Variants in HLA-DPA1 observed in about 807,000 individuals in gnomAD.
HLA-DPA1 encodes the protein HLA class II histocompatibility antigen, DP alpha 1 chain.
HLA-DPA1 carries 20 observed loss-of-function variants against 21.5 expected under a neutral mutation model. The ratio of observed to expected loss-of-function variants is 0.93; its 90% CI spans 0.66 to 1.35. The LOEUF is 1.35. HLA-DPA1 is among the 40% of genes most tolerant of loss of function. The pLI, the probability that HLA-DPA1 is intolerant of heterozygous loss-of-function variation, is 0.00. For missense variants in HLA-DPA1, 279 were observed against 323.0 expected, an observed-to-expected ratio of 0.86 and a Z score of 1.05; for synonymous variants, 123 against 129.6, an observed-to-expected ratio of 0.95 and a Z score of 0.35.
At chr6:33,072,284 C>T (rs1762316853) in intron 2 of HLA-DPA1, among the ~76,000 whole-genome samples, 1 of 152,206 alleles carries the variant, frequency 6.6e-6, no homozygotes, top group Non-Finnish European at 1.5e-5. Flanking sequence ...AGAAGCTTAG[C>T]TCCACGTGTG....
chr6:33,076,686 C>A (rs1762557168), intron 1 of HLA-DPA1, among the ~76,000 whole-genome samples: 1 of 152,140 alleles, frequency 6.6e-6, no homozygotes, highest in Non-Finnish European at 1.5e-5. Flanking sequence ...ATTAAAGGTA[C>A]TTCTCCCAGC....
chr6:33,067,101 T>C (rs1318477185), intron 5 of HLA-DPA1: 5 of 152,176 alleles, frequency 3.3e-5, no homozygotes, highest in African/African-American at 1.2e-4. Flanking sequence ...CCCACATGTA[T>C]ATGCAGTTCC....
chr6:33,072,389 A>T (rs745405063), intron 2 of HLA-DPA1, among the ~76,000 whole-genome samples: 1 of 150,868 alleles, frequency 6.6e-6, no homozygotes, highest in Non-Finnish European at 1.5e-5. Context: ...AAGGTAAATG[A>T]CATGTTTAAA....
intron 1 of HLA-DPA1, among the ~76,000 whole-genome samples, chr6:33,078,111 G>A (rs1183689388): frequency 6.6e-6 from 1 of 152,008 alleles, no homozygotes; most frequent in African/African-American, 2.4e-5. Context: ...ACAGTGTTGG[G>A]AGCCACCAAG....
intron 1 of HLA-DPA1, among the ~76,000 whole-genome samples, chr6:33,077,478 T>C (rs2213309): frequency 0.58 from 87,822 of 151,708 alleles, 27,544 homozygotes; most frequent in East Asian, 0.88. Flanking sequence ...GTTCTAGATC[T>C]TTGAGGAATT....
At chr6:33,078,826 G>A (rs1292799985) in intron 1 of HLA-DPA1, among the ~76,000 whole-genome samples, 4 of 152,142 alleles carry the variant, frequency 2.6e-5, no homozygotes, top group African/African-American at 9.7e-5. Flanking sequence ...TGGTGATTGA[G>A]GAGGAGAAAC....
chr6:33,069,437 A>T, intron 3 of HLA-DPA1, 137 bp from the exon 3 acceptor site: 1 of 1,048,762 alleles, frequency 9.5e-7, no homozygotes. Context: ...GTATCACACC[A>T]CTGACCAGCC....
intron 1 of HLA-DPA1, among the ~76,000 whole-genome samples, chr6:33,078,128 C>G (rs1193043067): frequency 2.0e-5 from 3 of 151,916 alleles, no homozygotes; most frequent in Non-Finnish European, 4.4e-5. Context: ...CAAGGAAACC[C>G]AGAGGTGGGG....
intron 1 of HLA-DPA1, among the ~76,000 whole-genome samples, chr6:33,075,344 G>T (rs1762485808): frequency 6.6e-6 from 1 of 152,166 alleles, no homozygotes; most frequent in Non-Finnish European, 1.5e-5. Flanking sequence ...TACATGGTAG[G>T]GTAGGTGGTG....
chr6:33,076,232 C>A, intron 1 of HLA-DPA1: 1 of 847,216 alleles, frequency 1.2e-6, no homozygotes, highest in Non-Finnish European at 1.9e-6. Flanking sequence ...CTGAGACAGG[C>A]TGCGGGGGCT....
intron 1 of HLA-DPA1, 38 bp from the exon 1 acceptor site, chr6:33,073,687 G>A: frequency 1.4e-6 from 1 of 699,192 alleles, no homozygotes; most frequent in Non-Finnish European, 2.5e-6. Context: ...TGGGTGGAGA[G>A]GAATCAGCAT....
chr6:33,069,369 G>A (rs538199867), intron 3 of HLA-DPA1, 69 bp from the exon 3 acceptor site: 11 of 1,470,056 alleles, frequency 7.5e-6, no homozygotes, highest in African/African-American at 7.3e-5. Flanking sequence ...CCTCTTAGGG[G>A]AGGGTGGTCC....
At chr6:33,067,154 A>G (rs116487412) in intron 5 of HLA-DPA1, 43,871 of 151,936 alleles carry the variant, frequency 0.29, 8,356 homozygotes, top group East Asian at 0.69. Flanking sequence ...AGAACCAGGA[A>G]TGATCCAGGT....
chr6:33,073,370 T>G, intron 2 of HLA-DPA1, 101 bp downstream of exon 1: 2 of 770,324 alleles, frequency 2.6e-6, no homozygotes, highest in South Asian at 3.0e-5. Flanking sequence ...GAGGACCAGA[T>G]AGATCAATGA....
intron 1 of HLA-DPA1, among the ~76,000 whole-genome samples, chr6:33,076,517 C>A (rs781284466): frequency 5.9e-5 from 9 of 152,138 alleles, no homozygotes; most frequent in Non-Finnish European, 1.3e-4. Flanking sequence ...AGGCAGAGAG[C>A]CCTAAGCTGG....
At chr6:33,076,067 C>T (rs779921780) in intron 1 of HLA-DPA1, 3 of 1,611,790 alleles carry the variant, frequency 1.9e-6, no homozygotes, top group Non-Finnish European at 2.5e-6. Context: ...GTTTCTGCGG[C>T]CCCCCGGACA....
chr6:33,066,330 A>T (rs1158217150), intron 5 of HLA-DPA1: 10 of 152,224 alleles, frequency 6.6e-5, no homozygotes, highest in Non-Finnish European at 1.3e-4. Flanking sequence ...ATAGCAAAGG[A>T]GACACTACTA....
At chr6:33,075,067 C>A (rs1369983823) in intron 1 of HLA-DPA1, among the ~76,000 whole-genome samples, 3 of 152,118 alleles carry the variant, frequency 2.0e-5, no homozygotes, top group Non-Finnish European at 4.4e-5. Context: ...AAGTAATGTT[C>A]TTTGAAAGTT....
Position 33,079,908 on chromosome 6 carries a change from CA to C in HLA-DPA1, c.-100+771del, listed in dbSNP as rs3841160. 7,913 of 252,848 alleles carry C rather than the reference CA, an allele frequency of 0.031. 1,032 individuals are homozygous for C. The East Asian group carries it at 0.47, about 15-fold the overall frequency. 15.7% of individuals were successfully genotyped at this position (252,848 alleles called of 1,614,324 possible). A position where few individuals can be genotyped will look rare whatever the true frequency, so the allele number is the denominator to read the frequency against. ...GTGTAAATAAAACCATAAAAACTGC[CA>C]AAAAAAATTACATCAATGCCTCTAA... On this transcript the variant is annotated intron_variant, in intron 1 of 5. Coordinates refer to ENST00000419277, the Ensembl canonical transcript of HLA-DPA1.
Sources: gnomAD v4.1 joint callset for allele counts (sites outside exome capture counted in the v4.1 genomes callset) on GRCh38, gnomAD v4.1.1 for gene constraint, MANE v1.5 for transcripts, NCBI Gene and HGNC (gene_info 2026-07-23, HGNC 2026-07-21) for gene names.